The following CDC42BPA variants were observed in gnomAD, a reference collection of about 807,000 sequenced individuals.
The protein encoded by CDC42BPA is serine/threonine-protein kinase MRCK alpha.
CDC42BPA carries 80 observed loss-of-function variants against 223.5 expected under a neutral mutation model. That is an observed-to-expected ratio of 0.36 (90% CI 0.30 to 0.43). CDC42BPA has a LOEUF of 0.43. Among genes scored for constraint, CDC42BPA ranks in the 20% least tolerant of loss-of-function variants. The pLI, the probability that CDC42BPA is intolerant of heterozygous loss-of-function variation, is 1.00. For synonymous variants in CDC42BPA, 694 were observed against 718.6 expected, an observed-to-expected ratio of 0.97 and a Z score of 0.55; for missense variants, 1,743 against 2,099.9, an observed-to-expected ratio of 0.83 and a Z score of 3.32.
At chr1:227,054,861 C>T (rs1035363338) in intron 21 of CDC42BPA, among the ~76,000 whole-genome samples, 10 of 151,634 alleles carry the variant, frequency 6.6e-5, no homozygotes, top group Admixed American at 2.0e-4. Flanking sequence ...TGAAATTTAC[C>T]ATACTAGCTT....
chr1:227,309,396 T>C (rs1233840975), intron 1 of CDC42BPA, among the ~76,000 whole-genome samples: 1 of 152,176 alleles, frequency 6.6e-6, no homozygotes. Context: ...TGTTTTCTCC[T>C]TAATAAAAGT....
In CDC42BPA at chr1:226,991,353, G is replaced by A. The variant is rs1045285; in HGVS notation, c.*2915C>T. On this transcript the variant is annotated 3_prime_UTR_variant, in exon 37 of 37. Coordinates refer to ENST00000366766, the MANE Select transcript of CDC42BPA (RefSeq NM_001394014.1). ...TGTGAGCTGTGCTACTGACTCCTCT[G>A]AATGGTCATTATGTTTTCTTTGCCT... 56,728 of 151,992 alleles carry A rather than the reference G, an allele frequency of 0.37. 11,298 individuals carry two copies. Among genetic ancestry groups the A allele is most frequent in the Non-Finnish European group, 0.46 (31,294 of 67,930 alleles). The allele number at this position is 151,992 out of a possible 1,614,324, so 9.4% of individuals were successfully genotyped here.
chr1:227,236,472 A>G (rs3127001), intron 2 of CDC42BPA, among the ~76,000 whole-genome samples: 46,810 of 152,046 alleles, frequency 0.31, 7,372 homozygotes, highest in East Asian at 0.37. Context: ...ATTTCCTCAT[A>G]CAAGTTCCAT....
intron 1 of CDC42BPA, among the ~76,000 whole-genome samples, chr1:227,256,948 GACACACACACACACACACACAC>G (rs55961981): frequency 7.1e-6 from 1 of 141,006 alleles, no homozygotes; most frequent in Non-Finnish European, 1.5e-5. Context: ...TATATATACA[GACACACACACACACACACACAC>G]ACACACACAC....
At chr1:227,058,420 C>CT (rs1675042822) in intron 21 of CDC42BPA, among the ~76,000 whole-genome samples, 2 of 152,170 alleles carry the variant, frequency 1.3e-5, no homozygotes, top group Admixed American at 1.3e-4. Flanking sequence ...CTTTCCGAGT[C>CT]TAAGAATTCG....
At chr1:227,165,697 T>C (rs1038463262) in intron 5 of CDC42BPA, among the ~76,000 whole-genome samples, 8 of 152,140 alleles carry the variant, frequency 5.3e-5, no homozygotes, top group Non-Finnish European at 1.2e-4. Context: ...TCCACTAGCA[T>C]AGAAGGCAGG....
intron 21 of CDC42BPA, among the ~76,000 whole-genome samples, chr1:227,055,271 T>C (rs1012027973): frequency 6.6e-6 from 1 of 152,080 alleles, no homozygotes; most frequent in Non-Finnish European, 1.5e-5. Flanking sequence ...GTGTAAACAA[T>C]ATCTCAAAAG....
chr1:227,098,256 C>G (rs1684385319), intron 15 of CDC42BPA, among the ~76,000 whole-genome samples: 1 of 149,320 alleles, frequency 6.7e-6, no homozygotes, highest in Non-Finnish European at 1.5e-5. Flanking sequence ...TACCCCAAGG[C>G]TCAGTTCTAA....
intron 3 of CDC42BPA, among the ~76,000 whole-genome samples, chr1:227,208,307 C>A (rs1424164076): frequency 2.1e-5 from 3 of 146,252 alleles, no homozygotes; most frequent in Non-Finnish European, 4.5e-5. Flanking sequence ...TTGTAGGTTG[C>A]CTGTTCACTC....
chr1:227,165,809 T>C (rs1376925848), intron 5 of CDC42BPA, among the ~76,000 whole-genome samples: 4 of 152,148 alleles, frequency 2.6e-5, no homozygotes, highest in African/African-American at 7.2e-5. Context: ...AAAAATAGAA[T>C]TGAATATAGC....
intron 6 of CDC42BPA, 61 bp downstream of exon 6, chr1:227,160,482 T>A (rs1663681470): frequency 8.6e-6 from 9 of 1,044,448 alleles, no homozygotes; most frequent in Non-Finnish European, 1.4e-5. Flanking sequence ...AACAGATATA[T>A]CAGACAAATA....
Position 227,034,803 on chromosome 1 carries a change from T to A in CDC42BPA, c.3337-9A>T, listed in dbSNP as rs1322578591. 1 of 1,458,170 alleles carries A rather than the reference T, an allele frequency of 6.9e-7. No individual in the cohort carries two copies. The allele number at this position is 1,458,170 out of a possible 1,614,324, so 90.3% of individuals were successfully genotyped here. ...CCAGCTGGCTTAGGAATCTTAGTTTTGTTTTAGACAGACAAACAGCCAAAA... is the reference window on the plus strand; with the variant it reads ...CCAGCTGGCTTAGGAATCTTAGTTTAGTTTTAGACAGACAAACAGCCAAAA... On this transcript the variant is annotated splice_polypyrimidine_tract_variant and intron_variant, in intron 25 of 36. Coordinates refer to ENST00000366766, the MANE Select transcript of CDC42BPA (RefSeq NM_001394014.1).
chr1:227,151,329 A>C (rs901530972), intron 6 of CDC42BPA, among the ~76,000 whole-genome samples: 3 of 152,194 alleles, frequency 2.0e-5, no homozygotes, highest in Admixed American at 6.5e-5. Flanking sequence ...ACGTGTCAGA[A>C]TTTCCTTTCT....
rs967972779 is a variant in CDC42BPA, at chr1:227,132,118, C to T, written c.1391-2887G>A. On this transcript the variant is annotated intron_variant, in intron 10 of 36. Coordinates refer to ENST00000366766, the MANE Select transcript of CDC42BPA (RefSeq NM_001394014.1). ...GGTTCACCAATTAAGAAATTCAACC[C>T]TCTCCCTCTCCCTCTCCCTCTCCCC... Among the ~76,000 whole-genome samples, 12 of 72,236 alleles carry T rather than the reference C, an allele frequency of 1.7e-4. No individual in the cohort carries two copies. In the Admixed American group the frequency reaches 1.7e-3, roughly 10 times the overall value. The allele number at this position is 72,236 out of a possible 152,430, so 47.4% of individuals were successfully genotyped here. A position where few individuals can be genotyped will look rare whatever the true frequency, so the allele number is the denominator to read the frequency against.
At chr1:227,284,436 G>A (rs1688496190) in intron 1 of CDC42BPA, among the ~76,000 whole-genome samples, 1 of 152,126 alleles carries the variant, frequency 6.6e-6, no homozygotes, top group South Asian at 2.1e-4. Flanking sequence ...CCACATGTAA[G>A]TCCGTAAGCT....
chr1:227,133,779 A>G (rs1657881572), intron 10 of CDC42BPA, among the ~76,000 whole-genome samples: 1 of 151,864 alleles, frequency 6.6e-6, no homozygotes, highest in Admixed American at 6.6e-5. Flanking sequence ...GCTCGTTGAG[A>G]GTCATCACCA....
chr1:227,141,452 G>A (rs1485504096), intron 9 of CDC42BPA, among the ~76,000 whole-genome samples: 2 of 152,188 alleles, frequency 1.3e-5, no homozygotes, highest in Non-Finnish European at 2.9e-5. Flanking sequence ...GACTAGCCAG[G>A]AAGGGATGGA....
At chr1:226,995,088 C>A in intron 35 of CDC42BPA, 108 bp from the exon 36 acceptor site, 1 of 959,260 alleles carries the variant, frequency 1.0e-6, no homozygotes, top group Non-Finnish European at 1.6e-6. Flanking sequence ...CCCCAGACCA[C>A]TCCTCCCCTG....
At chr1:227,125,385 G>A (rs909140031) in intron 11 of CDC42BPA, among the ~76,000 whole-genome samples, 9 of 151,836 alleles carry the variant, frequency 5.9e-5, no homozygotes, top group Non-Finnish European at 1.3e-4. Context: ...GCTGAGGAGG[G>A]CGAATCACTT....
Sources: allele counts gnomAD v4.1 joint callset (sites outside exome capture counted in the v4.1 genomes callset), GRCh38; gene constraint gnomAD v4.1.1; transcripts MANE v1.5; gene names NCBI Gene and HGNC (gene_info 2026-07-23, HGNC 2026-07-21).